RAD50: variants seen among roughly 807,000 people sequenced by gnomAD.
RAD50 encodes RAD50 double strand break repair protein.
In RAD50, 132 loss-of-function variants were observed where a neutral mutation model predicts 168.8. The ratio of observed to expected loss-of-function variants is 0.78; its 90% CI spans 0.68 to 0.90. RAD50 has a LOEUF of 0.90. Among genes scored for constraint, RAD50 ranks in the 40% least tolerant of loss-of-function variants. The pLI is 0.00. For synonymous variants in RAD50, 525 were observed against 497.4 expected (o/e 1.06, Z -0.74); for missense variants, 1,347 against 1,534.4 (o/e 0.88, Z 2.04).
chr5:132,599,107 G>A (rs996553231), intron 13 of RAD50, among the ~76,000 whole-genome samples: 1 of 152,122 alleles, frequency 6.6e-6, no homozygotes, highest in Non-Finnish European at 1.5e-5. Context: ...TCCCGTTATT[G>A]ATTGCTTGTA....
At chr5:132,597,423 C>G (rs1268008411) in intron 13 of RAD50, among the ~76,000 whole-genome samples, 1 of 152,176 alleles carries the variant, frequency 6.6e-6, no homozygotes, top group Non-Finnish European at 1.5e-5. Flanking sequence ...ACTATGGCTT[C>G]TTCTGTTCTC....
chr5:132,565,440 A>C (rs767868902), intron 2 of RAD50, among the ~76,000 whole-genome samples: 2 of 152,112 alleles, frequency 1.3e-5, no homozygotes, highest in South Asian at 2.1e-4. Flanking sequence ...CCTGTATGCC[A>C]GTCTTCCTTA....
chr5:132,571,977 G>T (rs987027161), intron 2 of RAD50, among the ~76,000 whole-genome samples: 1 of 152,112 alleles, frequency 6.6e-6, no homozygotes, highest in African/African-American at 2.4e-5. Flanking sequence ...CAGGCTGAAA[G>T]AAAGTAAAGA....
chr5:132,579,172 T>C, intron 3 of RAD50, 145 bp from the exon 4 acceptor site: 2 of 773,350 alleles, frequency 2.6e-6, no homozygotes, highest in Non-Finnish European at 4.2e-6. Context: ...TTACACTTTT[T>C]AGCATGATGA....
chr5:132,569,748 A>G (rs1281945012), intron 2 of RAD50, among the ~76,000 whole-genome samples: 2 of 152,218 alleles, frequency 1.3e-5, no homozygotes, highest in Non-Finnish European at 2.9e-5. Context: ...AACAAGTGTC[A>G]ATAAATTTAT....
intron 2 of RAD50, among the ~76,000 whole-genome samples, chr5:132,559,629 T>C (rs961624508): frequency 6.6e-6 from 1 of 152,346 alleles, no homozygotes; most frequent in African/African-American, 2.4e-5. Context: ...CCTATGTCAT[T>C]AAAAAACTAT....
intron 20 of RAD50, 143 bp downstream of exon 20, chr5:132,616,273 C>A: frequency 1.2e-6 from 1 of 800,574 alleles, no homozygotes; most frequent in Non-Finnish European, 2.0e-6. Flanking sequence ...TGTTTTGATA[C>A]AATTATATTT....
intron 2 of RAD50, among the ~76,000 whole-genome samples, chr5:132,573,543 C>T (rs1750343268): frequency 6.6e-6 from 1 of 152,096 alleles, no homozygotes; most frequent in South Asian, 2.1e-4. Flanking sequence ...CCATATGATT[C>T]CACCCCTGGC....
rs1751848720 is a variant in RAD50 at position 132,646,301 on chromosome 5, A to G, written c.*3937A>G. The G allele has an allele frequency of 6.6e-6, 1 of 152,320 alleles. No homozygotes were observed. The highest frequency in any genetic ancestry group is 1.5e-5 in the Non-Finnish European group (1 of 68,034). The allele number at this position is 152,320 out of a possible 1,614,324, so 9.4% of individuals were successfully genotyped here. On this transcript the variant is annotated 3_prime_UTR_variant, in exon 25 of 25. Transcript: ENST00000378823. Reference sequence around the variant, plus strand: ...GCTGCCTGTGGATAACTGGGCATCTATCTGCACTTGAATATCTAATAAACG... The same window carrying G: ...GCTGCCTGTGGATAACTGGGCATCTGTCTGCACTTGAATATCTAATAAACG...
Position 132,626,984 on chromosome 5 carries a change from G to A in RAD50, c.3389+8690G>A, listed in dbSNP as rs377617532. Among the ~76,000 whole-genome samples the A allele has an allele frequency of 1.1e-4, 16 of 152,136 alleles. No individual in the cohort carries two copies. In the East Asian group the frequency reaches 1.7e-3, roughly 16 times the overall value. On this transcript the variant is annotated intron_variant, in intron 21 of 24. Transcript: ENST00000378823. ...TAACCTCTGCCTCTTGGGTTCAAGC[G>A]ATTCTCATGCCTCAGCCTTCTAAGT...
chr5:132,612,697 G>A (rs1288855644), intron 19 of RAD50, among the ~76,000 whole-genome samples: 17 of 151,998 alleles, frequency 1.1e-4, no homozygotes, highest in Admixed American at 1.0e-3. Context: ...GTGTGATGGT[G>A]CATACCTGTA....
chr5:132,613,261 A>G (rs1020398039), intron 19 of RAD50, among the ~76,000 whole-genome samples: 1 of 152,280 alleles, frequency 6.6e-6, no homozygotes, highest in Admixed American at 6.5e-5. Context: ...TAATTTGGAA[A>G]CTTAACTGCC....
Position 132,628,901 on chromosome 5 carries a change from C to A in RAD50, c.3390-8214C>A, listed in dbSNP as rs188951297. Among the ~76,000 whole-genome samples the A allele has an allele frequency of 1.7e-3, 262 of 151,936 alleles. 2 individuals are homozygous for A. Among genetic ancestry groups the A allele is most frequent in the African/African-American group, 6.2e-3 (257 of 41,460 alleles). ...CAGAGAATATAGATAATTCTTATAACAACTTCTCCTGTGACGGGGAGCAAG... is the reference window on the plus strand; with the variant it reads ...CAGAGAATATAGATAATTCTTATAAAAACTTCTCCTGTGACGGGGAGCAAG... On this transcript the variant is annotated intron_variant, in intron 21 of 24. Coordinates refer to ENST00000378823, the MANE Select transcript of RAD50 (RefSeq NM_005732.4).
At chr5:132,582,242 A>G (rs541315714) in intron 5 of RAD50, among the ~76,000 whole-genome samples, 2 of 152,196 alleles carry the variant, frequency 1.3e-5, no homozygotes, top group African/African-American at 4.8e-5. Context: ...ATTCTAACCA[A>G]GGCTGTAGCA....
intron 2 of RAD50, among the ~76,000 whole-genome samples, chr5:132,563,917 T>C (rs574966712): frequency 6.6e-6 from 1 of 152,270 alleles, no homozygotes; most frequent in Non-Finnish European, 1.5e-5. Context: ...TTCACTCTCT[T>C]CCTCCTGTTC....
At chr5:132,618,374 C>CT in intron 21 of RAD50, 80 bp downstream of exon 21, 2 of 1,552,210 alleles carry the variant, frequency 1.3e-6, no homozygotes, top group South Asian at 1.2e-5. Context: ...TCATTTTTTT[C>CT]TTTTTTTCTT....
chr5:132,600,152 A>G (rs1391156288), intron 13 of RAD50: 1 of 152,270 alleles, frequency 6.6e-6, no homozygotes, highest in Non-Finnish European at 1.5e-5. Context: ...ATACAGCAGT[A>G]AACAAAATGG....
chr5:132,607,288 A>C (rs1036621311), intron 16 of RAD50, among the ~76,000 whole-genome samples: 1 of 152,104 alleles, frequency 6.6e-6, no homozygotes, highest in African/African-American at 2.4e-5. Context: ...CAGATCCTTT[A>C]TCTATGGCGG....
chr5:132,557,193 G>A lies in RAD50; in HGVS notation c.-132G>A, dbSNP rs1487660461. 6 of 1,265,918 alleles carry A rather than the reference G, an allele frequency of 4.7e-6. No individual in the cohort carries two copies. In the Admixed American group the frequency reaches 1.1e-4, roughly 24 times the overall value. 78.4% of individuals were successfully genotyped at this position (1,265,918 alleles called of 1,614,324 possible). A position where few individuals can be genotyped will look rare whatever the true frequency, so the allele number is the denominator to read the frequency against. On this transcript the variant is annotated 5_prime_UTR_variant, in exon 1 of 25. Transcript: ENST00000378823. ...TGGCAGGATCTTTTGGCAGTCCTGT[G>A]GCCTCGCTCCCCGCCCGGATCCTCC...
Sources: gnomAD v4.1 joint callset for allele counts (sites outside exome capture counted in the v4.1 genomes callset) on GRCh38, gnomAD v4.1.1 for gene constraint, MANE v1.5 for transcripts, NCBI Gene and HGNC (gene_info 2026-07-23, HGNC 2026-07-21) for gene names.